Variants in TDRD9 observed in about 807,000 individuals in gnomAD.
TDRD9 encodes tudor domain containing 9.
Under a neutral mutation model 172.6 loss-of-function variants are expected in TDRD9, and 124 were observed. The observed-to-expected ratio is 0.72, with a 90% confidence interval of 0.62 to 0.83. The LOEUF is 0.83. TDRD9 is among the 40% of genes least tolerant of loss of function. TDRD9 has a pLI of 0.00. For missense variants in TDRD9, 1,479 were observed against 1,714.1 expected (o/e 0.86, Z 2.42); for synonymous variants, 619 against 617.1 (o/e 1.00, Z -0.05).
intron 20 of TDRD9, among the ~76,000 whole-genome samples, chr14:104,013,101 AC>A (rs1226926021): frequency 6.6e-6 from 1 of 151,986 alleles, no homozygotes; most frequent in Non-Finnish European, 1.5e-5. Flanking sequence ...TCCTCCCTCC[AC>A]AGAGATAGTG....
intron 1 of TDRD9, among the ~76,000 whole-genome samples, chr14:103,946,001 G>A (rs1003459671): frequency 6.7e-6 from 1 of 150,170 alleles, no homozygotes; most frequent in Non-Finnish European, 1.5e-5. Flanking sequence ...ACAAGGTATT[G>A]CTCACCTAGG....
intron 1 of TDRD9, chr14:103,940,901 T>C: frequency 6.5e-7 from 1 of 1,535,308 alleles, no homozygotes; most frequent in Non-Finnish European, 8.7e-7. Context: ...CTGGAAATGG[T>C]GGGTATTTCA....
chr14:103,995,886 G>A (rs2034042286), intron 12 of TDRD9, 79 bp downstream of exon 12: 3 of 1,303,938 alleles, frequency 2.3e-6, no homozygotes, highest in African/African-American at 1.5e-5. Flanking sequence ...CTCAGGAATT[G>A]TTCTTCTCTT....
In TDRD9 at chr14:104,034,076, T is replaced by C; in HGVS notation, c.3619+7T>C. 2 of 1,533,548 alleles carry C rather than the reference T, an allele frequency of 1.3e-6. No homozygotes were observed. Among genetic ancestry groups the C allele is most frequent in the Non-Finnish European group, 1.8e-6 (2 of 1,130,406 alleles). 95.0% of individuals were successfully genotyped at this position (1,533,548 alleles called of 1,614,324 possible). Reference sequence around the variant, plus strand: ...CTTTCCATCAATGCGACTGGTAATTTAAAGATCCTGTTTATTCCTTGTCCT... The same window carrying C: ...CTTTCCATCAATGCGACTGGTAATTCAAAGATCCTGTTTATTCCTTGTCCT... On this transcript the variant is annotated splice_region_variant and intron_variant, in intron 31 of 35. Transcript: ENST00000409874.
Position 104,026,822 on chromosome 14 carries a change from C to T in TDRD9, c.3165C>T (p.His1055=). The T allele has an allele frequency of 1.2e-6, 2 of 1,614,034 alleles. No homozygotes were observed. The highest frequency in any genetic ancestry group is 1.7e-6 in the Non-Finnish European group (2 of 1,179,898). ...TTGTGAAGGTCTTCTCTGTGGTGCA[C>T]AGCGTCCTGCACGTGGATGTGTACC... The part of the protein sequence containing the change: ...TLLVKVFSVV[H]SVLHVDVYQY... Residue 1055 remains histidine (H), a synonymous_variant, in exon 28 of 36, where the codon CAC becomes CAT. Transcript: ENST00000409874.
At chr14:104,018,288 A>G in intron 23 of TDRD9, 96 bp downstream of exon 23, 1 of 777,574 alleles carries the variant, frequency 1.3e-6, no homozygotes, top group Non-Finnish European at 2.1e-6. Context: ...GCCCATGGAA[A>G]TGGGTCCTCC....
At chr14:104,031,496 C>T (rs1474361749) in intron 29 of TDRD9, among the ~76,000 whole-genome samples, 1 of 101,694 alleles carries the variant, frequency 9.8e-6, no homozygotes, top group Admixed American at 1.0e-4. Flanking sequence ...TTTTTTTAAA[C>T]CCTCCTGACG....
intron 34 of TDRD9, among the ~76,000 whole-genome samples, chr14:104,042,607 C>A (rs1010452843): frequency 1.3e-5 from 2 of 152,220 alleles, no homozygotes; most frequent in Non-Finnish European, 2.9e-5. Flanking sequence ...GCTGGACTCT[C>A]CATGGGACAA....
At chr14:103,946,113 G>A (rs1325649460) in intron 1 of TDRD9, among the ~76,000 whole-genome samples, 3 of 151,914 alleles carry the variant, frequency 2.0e-5, no homozygotes, top group African/African-American at 7.3e-5. Flanking sequence ...CTATAGGCAC[G>A]TGCCACCATG....
At chr14:104,033,712 G>A (rs531970340) in intron 30 of TDRD9, among the ~76,000 whole-genome samples, 5 of 152,258 alleles carry the variant, frequency 3.3e-5, no homozygotes, top group African/African-American at 7.2e-5. Context: ...CCTAAGCCAA[G>A]GAGTGGTCGG....
At chr14:104,006,322 C>A in intron 15 of TDRD9, 67 bp from the exon 16 acceptor site, 1 of 1,369,174 alleles carries the variant, frequency 7.3e-7, no homozygotes, top group Non-Finnish European at 1.0e-6. Flanking sequence ...TTTGGACTCT[C>A]CACCTTAAGG....
chr14:104,036,505 A>G (rs1001697610), intron 32 of TDRD9, among the ~76,000 whole-genome samples: 3 of 152,244 alleles, frequency 2.0e-5, no homozygotes, highest in Non-Finnish European at 4.4e-5. Context: ...AGGCTTGGCT[A>G]GTGCAGAAGC....
At chr14:104,032,485 G>A (rs956232482) in intron 30 of TDRD9, among the ~76,000 whole-genome samples, 3 of 152,154 alleles carry the variant, frequency 2.0e-5, no homozygotes, top group Non-Finnish European at 4.4e-5. Flanking sequence ...GATTACAGGC[G>A]TGAGCCACCA....
chr14:103,995,805 A>G lies in TDRD9; in HGVS notation c.1376A>G (p.Tyr459Cys), dbSNP rs2034038941. The change falls in exon 12 of 36, where the codon TAT (tyrosine) becomes TGT (cysteine). Residue 459 changes from tyrosine to cysteine, a missense_variant and splice_region_variant. This residue lies in a region of TDRD9 where 1,413 missense variants were observed against 1,649.1 expected (regional missense o/e 0.86). Coordinates refer to ENST00000409874, the MANE Select transcript of TDRD9 (RefSeq NM_153046.3). Reference protein sequence around the residue: ...ESSVTVPDVKYVIDFCLTRTL... With the variant: ...ESSVTVPDVKCVIDFCLTRTL... ...TCTGTCACAGTTCCAGATGTCAAAT[A>G]TGGTAAGATACTTCTCCGTTTACCT... 1.9e-6 allele frequency: 3 copies of G among 1,608,000 alleles called. No individual in the cohort carries two copies. Among genetic ancestry groups the G allele is most frequent in the Non-Finnish European group, 2.5e-6 (3 of 1,177,428 alleles).
intron 8 of TDRD9, among the ~76,000 whole-genome samples, chr14:103,988,181 T>G (rs1688639618): frequency 1.4e-5 from 2 of 145,032 alleles, no homozygotes; most frequent in African/African-American, 5.5e-5. Flanking sequence ...AGTGGGATAT[T>G]TTTTTTTTTT....
At chr14:103,951,776 C>CT (rs898377784) in intron 1 of TDRD9, among the ~76,000 whole-genome samples, 15 of 149,614 alleles carry the variant, frequency 1.0e-4, no homozygotes, top group South Asian at 2.1e-4. Flanking sequence ...TTTTTCTTTT[C>CT]TTTTTTTTGA....
At chr14:103,965,739 G>A (rs2032713007) in intron 4 of TDRD9, among the ~76,000 whole-genome samples, 185 bp downstream of exon 4, 1 of 152,148 alleles carries the variant, frequency 6.6e-6, no homozygotes, top group African/African-American at 2.4e-5. Context: ...TAGGTCGGGA[G>A]TTTGAGAGCA....
At chr14:104,031,972 G>T in intron 29 of TDRD9, 45 bp from the exon 30 acceptor site, 1 of 1,334,004 alleles carries the variant, frequency 7.5e-7, no homozygotes, top group Non-Finnish European at 1.0e-6. Flanking sequence ...CATGTTAAGT[G>T]TTATCTTGCT....
In TDRD9 at chr14:104,022,191, A is replaced by T; in HGVS notation, c.2467A>T (p.Arg823Ter). The T allele has an allele frequency of 6.4e-7, 1 of 1,567,322 alleles. No homozygotes were observed. Among genetic ancestry groups the T allele is most frequent in the Non-Finnish European group, 8.7e-7 (1 of 1,155,878 alleles). Residue 823 changes from arginine to a stop codon, truncating the protein, a stop_gained, in exon 24 of 36, where the codon AGA becomes TGA. Coordinates refer to ENST00000409874, the MANE Select transcript of TDRD9 (RefSeq NM_153046.3). LOFTEE classifies it high-confidence loss of function. ...GGAATTCTCACGAAATCCAACAGAG[A>T]GATTTAAAACCCTTCCTGCAGTATA... Reference protein sequence around the residue: ...FVEFSRNPTERFKTLPAVYMA... With the variant: ...FVEFSRNPTE
Sources: gnomAD v4.1 joint callset for allele counts (sites outside exome capture counted in the v4.1 genomes callset) on GRCh38, gnomAD v4.1.1 for gene constraint, gnomAD v4.1.1 regional missense constraint, MANE v1.5 for transcripts, NCBI Gene and HGNC (gene_info 2026-07-23, HGNC 2026-07-21) for gene names.